The following SCFD2 variants were observed in gnomAD, a reference collection of about 807,000 sequenced individuals.
SCFD2 encodes sec1 family domain-containing protein 2.
SCFD2 carries 54 observed loss-of-function variants against 58.9 expected under a neutral mutation model. The ratio of observed to expected loss-of-function variants is 0.92; its 90% CI spans 0.74 to 1.15. SCFD2 has a LOEUF of 1.15. Among genes scored for constraint, SCFD2 ranks in the 50% most tolerant of loss-of-function variants. The probability of loss-of-function intolerance (pLI) is 0.00; values close to 1 mark genes in which losing one functional copy is unlikely to be tolerated. For synonymous variants in SCFD2, 321 were observed against 335.9 expected (o/e 0.96, Z 0.49); for missense variants, 805 against 836.6 (o/e 0.96, Z 0.47).
At chr4:53,313,358 C>A (rs754880071) in intron 3 of SCFD2, among the ~76,000 whole-genome samples, 1 of 152,128 alleles carries the variant, frequency 6.6e-6, no homozygotes, top group Non-Finnish European at 1.5e-5. Context: ...TAGTCCAGAC[C>A]AATTTTGACA....
chr4:53,081,155 G>T (rs751550002), intron 5 of SCFD2, among the ~76,000 whole-genome samples: 1 of 152,104 alleles, frequency 6.6e-6, no homozygotes, highest in African/African-American at 2.4e-5. Context: ...ATCTTAGTGT[G>T]TGTGTTTGCA....
chr4:53,151,639 C>T (rs1021165400), intron 4 of SCFD2, among the ~76,000 whole-genome samples: 7 of 152,162 alleles, frequency 4.6e-5, no homozygotes, highest in Admixed American at 4.6e-4. Context: ...GGTGCACAGC[C>T]TGAAAACACT....
At chr4:53,256,084 C>T (rs1318531312) in intron 4 of SCFD2, among the ~76,000 whole-genome samples, 8 of 151,336 alleles carry the variant, frequency 5.3e-5, no homozygotes, top group Non-Finnish European at 7.4e-5. Flanking sequence ...ACCTCCCTCC[C>T]GGACGGGGTG....
At chr4:52,956,085 C>G (rs1241180619) in intron 5 of SCFD2, 7 of 456,404 alleles carry the variant, frequency 1.5e-5, no homozygotes, top group Middle Eastern at 3.2e-4. Flanking sequence ...AGCTTGAGGT[C>G]TCTGAGATGC....
chr4:53,218,412 C>T (rs1728929348), intron 4 of SCFD2, among the ~76,000 whole-genome samples: 1 of 152,100 alleles, frequency 6.6e-6, no homozygotes, highest in Non-Finnish European at 1.5e-5. Flanking sequence ...TCACTGATAC[C>T]CTTTCTTCCA....
At chr4:53,254,174 G>C (rs562665435) in intron 4 of SCFD2, among the ~76,000 whole-genome samples, 3 of 152,158 alleles carry the variant, frequency 2.0e-5, no homozygotes, top group Non-Finnish European at 4.4e-5. Context: ...ATTTGGCTCT[G>C]TGTCCTCATC....
At chr4:53,052,654 T>A (rs1424315677) in intron 5 of SCFD2, among the ~76,000 whole-genome samples, 1 of 152,158 alleles carries the variant, frequency 6.6e-6, no homozygotes, top group South Asian at 2.1e-4. Context: ...AAATGGTAAT[T>A]GAGACTTATA....
At chr4:53,262,823 C>A (rs1467293184) in intron 4 of SCFD2, among the ~76,000 whole-genome samples, 1 of 152,160 alleles carries the variant, frequency 6.6e-6, no homozygotes, top group Non-Finnish European at 1.5e-5. Context: ...GGAAGTTTTC[C>A]TCAATTATTC....
chr4:53,138,492 ACT>A (rs1478891748), intron 5 of SCFD2, among the ~76,000 whole-genome samples: 1 of 152,144 alleles, frequency 6.6e-6, no homozygotes, highest in Non-Finnish European at 1.5e-5. Flanking sequence ...TGAAACTGAT[ACT>A]CTCTTAGAAC....
intron 5 of SCFD2, among the ~76,000 whole-genome samples, chr4:52,996,897 A>G (rs1447774750): frequency 6.6e-6 from 1 of 152,206 alleles, no homozygotes; most frequent in African/African-American, 2.4e-5. Context: ...TGGAAACACC[A>G]CTCACTGGAA....
chr4:53,352,783 G>A lies in SCFD2; in HGVS notation c.839-17C>T, dbSNP rs777776058. ...CAACTGCTCCTGTTTAAGCAGACAA[G>A]ATGATGTAAATTCATAAAATGGGAG... On this transcript the variant is annotated splice_polypyrimidine_tract_variant and intron_variant, in intron 1 of 8. Transcript: ENST00000401642. The A allele has an allele frequency of 1.9e-6, 3 of 1,598,876 alleles. No individual in the cohort carries two copies. Among genetic ancestry groups the A allele is most frequent in the Admixed American group, 3.4e-5 (2 of 59,344 alleles).
At chr4:53,064,959 G>A (rs577505094) in intron 5 of SCFD2, among the ~76,000 whole-genome samples, 48 of 152,144 alleles carry the variant, frequency 3.2e-4, no homozygotes, top group African/African-American at 1.2e-3. Flanking sequence ...ATTTTCTCTT[G>A]GGACATCTAT....
At chr4:52,913,998 G>A (rs1436392530) in intron 6 of SCFD2, among the ~76,000 whole-genome samples, 1 of 152,218 alleles carries the variant, frequency 6.6e-6, no homozygotes, top group Non-Finnish European at 1.5e-5. Context: ...ACACTGTTAA[G>A]TTTTGATTGG....
At chr4:53,098,760 ACTCT>A (rs956921566) in intron 5 of SCFD2, among the ~76,000 whole-genome samples, 2 of 151,710 alleles carry the variant, frequency 1.3e-5, no homozygotes, top group African/African-American at 2.4e-5. Flanking sequence ...ATACACACAC[ACTCT>A]CTCTGACTCC....
At chr4:52,980,745 G>A (rs1296698318) in intron 5 of SCFD2, among the ~76,000 whole-genome samples, 1 of 152,088 alleles carries the variant, frequency 6.6e-6, no homozygotes, top group African/African-American at 2.4e-5. Flanking sequence ...TCTTTGACAG[G>A]TAAATATTAT....
chr4:53,081,877 A>T (rs1724158052), intron 5 of SCFD2, among the ~76,000 whole-genome samples: 1 of 152,068 alleles, frequency 6.6e-6, no homozygotes, highest in Non-Finnish European at 1.5e-5. Context: ...CTCTACCATC[A>T]GCCCTAGGCA....
intron 5 of SCFD2, among the ~76,000 whole-genome samples, chr4:53,032,571 G>A (rs1256049783): frequency 6.6e-6 from 1 of 152,214 alleles, no homozygotes; most frequent in East Asian, 1.9e-4. Flanking sequence ...ACACACATAA[G>A]CTCAAAATAA....
At chr4:53,250,072 C>A (rs1425643537) in intron 4 of SCFD2, among the ~76,000 whole-genome samples, 1 of 152,090 alleles carries the variant, frequency 6.6e-6, no homozygotes, top group Non-Finnish European at 1.5e-5. Context: ...CATGCAGAGA[C>A]ACACATAGGC....
intron 2 of SCFD2, among the ~76,000 whole-genome samples, chr4:53,352,229 G>A (rs1366276709): frequency 6.6e-6 from 1 of 152,188 alleles, no homozygotes; most frequent in Non-Finnish European, 1.5e-5. Flanking sequence ...ATTGCTGTTT[G>A]AGTTGCTTTT....
Sources: allele counts gnomAD v4.1 joint callset (sites outside exome capture counted in the v4.1 genomes callset), GRCh38; gene constraint gnomAD v4.1.1; transcripts MANE v1.5; gene names NCBI Gene and HGNC (gene_info 2026-07-23, HGNC 2026-07-21).